PRKG1: variants seen among roughly 807,000 people sequenced by gnomAD.
The protein encoded by PRKG1 is cGMP-dependent protein kinase 1.
PRKG1 carries 35 observed loss-of-function variants against 88.1 expected under a neutral mutation model. The observed-to-expected ratio is 0.40, with a 90% CI of 0.30 to 0.53. PRKG1 has a LOEUF of 0.53. Among genes scored for constraint, PRKG1 ranks in the 20% least tolerant of loss-of-function variants. PRKG1 has a pLI of 0.59. For missense variants in PRKG1, 540 were observed against 839.8 expected, an observed-to-expected ratio of 0.64 and a Z score of 4.41; for synonymous variants, 303 against 292.5, an observed-to-expected ratio of 1.04 and a Z score of -0.37.
intron 3 of PRKG1, among the ~76,000 whole-genome samples, chr10:51,518,682 T>C (rs1004458197): frequency 1.3e-5 from 2 of 152,054 alleles, no homozygotes; most frequent in African/African-American, 4.8e-5. Flanking sequence ...GAAGAGGAAA[T>C]AGAAGCAAGA....
chr10:51,060,598 C>T (rs572872413), intron 1 of PRKG1, among the ~76,000 whole-genome samples: 67 of 152,024 alleles, frequency 4.4e-4, no homozygotes, highest in African/African-American at 1.6e-3. Flanking sequence ...CTCTATTAGC[C>T]CCTTACTCTC....
intron 3 of PRKG1, among the ~76,000 whole-genome samples, chr10:51,507,555 C>T (rs1467559209): frequency 6.6e-6 from 1 of 152,050 alleles, no homozygotes; most frequent in Non-Finnish European, 1.5e-5. Flanking sequence ...ATGGAAAGTC[C>T]TTAGTTGCAG....
intron 3 of PRKG1, among the ~76,000 whole-genome samples, chr10:51,480,635 CA>C (rs1840327216): frequency 1.3e-5 from 2 of 151,702 alleles, no homozygotes; most frequent in East Asian, 3.9e-4. Context: ...CATGGTGAAG[CA>C]GCCGTGAACC....
At chr10:51,834,812 C>A (rs1840092749) in intron 4 of PRKG1, among the ~76,000 whole-genome samples, 1 of 151,912 alleles carries the variant, frequency 6.6e-6, no homozygotes, top group African/African-American at 2.4e-5. Context: ...AGCAATGAGT[C>A]TATGGGGGTA....
chr10:51,967,969 G>A (rs1000032483), intron 5 of PRKG1, among the ~76,000 whole-genome samples: 30 of 152,126 alleles, frequency 2.0e-4, no homozygotes, highest in African/African-American at 6.8e-4. Context: ...TTCACTAACT[G>A]CTTAGAAATC....
upstream of PRKG1, among the ~76,000 whole-genome samples, chr10:51,069,628 A>G (rs2132795379): frequency 6.6e-6 from 1 of 152,206 alleles, no homozygotes; most frequent in Admixed American, 6.5e-5. Context: ...TTCCTAAAAC[A>G]TATTAACACA....
At chr10:52,055,952 G>A (rs1846101237) in intron 6 of PRKG1, among the ~76,000 whole-genome samples, 1 of 152,126 alleles carries the variant, frequency 6.6e-6, no homozygotes, top group African/African-American at 2.4e-5. Flanking sequence ...TTTGGATCAA[G>A]TGTATGCATA....
chr10:51,663,702 CA>C (rs56804341), intron 3 of PRKG1, among the ~76,000 whole-genome samples: 51,052 of 73,956 alleles, frequency 0.69, 15,286 homozygotes, highest in Middle Eastern at 0.78. Flanking sequence ...GACCCTGTCT[CA>C]AAAAAAAAAA....
At chr10:51,545,294 T>A (rs1006605578) in intron 3 of PRKG1, among the ~76,000 whole-genome samples, 1 of 152,156 alleles carries the variant, frequency 6.6e-6, no homozygotes, top group Non-Finnish European at 1.5e-5. Flanking sequence ...CTACCTACAT[T>A]TGAAAGGAGT....
At chr10:51,462,572 A>T (rs1429686209) in intron 2 of PRKG1, among the ~76,000 whole-genome samples, 1 of 152,166 alleles carries the variant, frequency 6.6e-6, no homozygotes, top group Non-Finnish European at 1.5e-5. Context: ...CAGATGATTG[A>T]TTGCTTCTCA....
At chr10:52,107,147 T>C (rs973331851) in intron 7 of PRKG1, among the ~76,000 whole-genome samples, 6 of 152,338 alleles carry the variant, frequency 3.9e-5, no homozygotes, top group African/African-American at 1.4e-4. Flanking sequence ...TCTGACCATT[T>C]TGTCATAGAA....
chr10:52,046,595 A>G (rs1022829785), intron 5 of PRKG1, among the ~76,000 whole-genome samples: 1 of 152,156 alleles, frequency 6.6e-6, no homozygotes, highest in African/African-American at 2.4e-5. Flanking sequence ...AGGTATGGTT[A>G]TATTTTGCAG....
chr10:51,612,586 T>C (rs905263290), intron 3 of PRKG1, among the ~76,000 whole-genome samples: 1 of 152,064 alleles, frequency 6.6e-6, no homozygotes, highest in African/African-American at 2.4e-5. Flanking sequence ...ACAATTTGAC[T>C]TTCTCCTTTC....
intron 3 of PRKG1, among the ~76,000 whole-genome samples, chr10:51,497,790 A>G (rs1205950467): frequency 6.6e-6 from 1 of 152,094 alleles, no homozygotes; most frequent in Non-Finnish European, 1.5e-5. Flanking sequence ...AATTTAGAGG[A>G]GCAATCTAAT....
intron 5 of PRKG1, among the ~76,000 whole-genome samples, chr10:51,923,946 G>A (rs1193172535): frequency 1.3e-5 from 2 of 151,418 alleles, no homozygotes; most frequent in Non-Finnish European, 2.9e-5. Context: ...CTCCCACCTA[G>A]GTCTCTTGAG....
intron 3 of PRKG1, among the ~76,000 whole-genome samples, chr10:51,795,534 C>T (rs948596794): frequency 2.6e-5 from 4 of 152,116 alleles, no homozygotes; most frequent in African/African-American, 9.7e-5. Flanking sequence ...TCAGAACATT[C>T]CGGCAGTTAG....
At chr10:51,751,559 T>C (rs1370859383) in intron 3 of PRKG1, among the ~76,000 whole-genome samples, 3 of 152,152 alleles carry the variant, frequency 2.0e-5, no homozygotes, top group Non-Finnish European at 4.4e-5. Flanking sequence ...AAGCAACAAA[T>C]AATTTTATGG....
At chr10:51,123,321 A>G (rs4935227) in intron 1 of PRKG1, among the ~76,000 whole-genome samples, 3 of 151,588 alleles carry the variant, frequency 2.0e-5, no homozygotes, top group Non-Finnish European at 4.4e-5. Context: ...AAATCAGCCC[A>G]AAAAAGGCTT....
chr10:51,223,890 T>A (rs2132095949), intron 2 of PRKG1, among the ~76,000 whole-genome samples: 1 of 152,322 alleles, frequency 6.6e-6, no homozygotes, highest in Admixed American at 6.5e-5. Flanking sequence ...TTAAATATAG[T>A]TCATTTCATT....
Sources: gnomAD v4.1 joint callset for allele counts (sites outside exome capture counted in the v4.1 genomes callset) on GRCh38, gnomAD v4.1.1 for gene constraint, MANE v1.5 for transcripts, NCBI Gene and HGNC (gene_info 2026-07-23, HGNC 2026-07-21) for gene names.